SPRED2: variants seen among roughly 807,000 people sequenced by gnomAD.
SPRED2 encodes sprouty related EVH1 domain containing 2, also known as sprouty-related, EVH1 domain-containing protein 2.
In SPRED2, 47 loss-of-function variants were observed where a neutral mutation model predicts 43.0. That is an observed-to-expected ratio of 1.09 (90% CI 0.87 to 1.40). SPRED2 has a LOEUF of 1.40. SPRED2 is among the 40% of genes most tolerant of loss of function. The pLI, the probability that SPRED2 is intolerant of heterozygous loss-of-function variation, is 0.00. For missense variants in SPRED2, 561 were observed against 586.4 expected (o/e 0.96, Z 0.45); for synonymous variants, 225 against 225.7 (o/e 1.00, Z 0.03).
In SPRED2 at chr2:65,313,284, G is replaced by T; in HGVS notation, c.*217C>A. On this transcript the variant is annotated 3_prime_UTR_variant, in exon 6 of 6. Coordinates refer to ENST00000356388, the MANE Select transcript of SPRED2 (RefSeq NM_181784.3). ...CTCAGAACACTGTGCGAGCGTGTGT[G>T]TATGGATGTGGCTGCTGCAGTGTGG... 7.1e-7 allele frequency: 1 copy of T among 1,412,554 alleles called. No individual in the cohort carries two copies. The highest frequency in any genetic ancestry group is 1.4e-5 in the African/African-American group (1 of 69,530). 87.5% of individuals were successfully genotyped at this position (1,412,554 alleles called of 1,614,324 possible).
At chr2:65,345,571 T>C (rs1454934772) in intron 1 of SPRED2, among the ~76,000 whole-genome samples, 2 of 152,172 alleles carry the variant, frequency 1.3e-5, no homozygotes, top group African/African-American at 4.8e-5. Flanking sequence ...TACAAACCTA[T>C]TAAGACGGTA....
chr2:65,366,796 G>T, intron 1 of SPRED2: 1 of 1,309,740 alleles, frequency 7.6e-7, no homozygotes, highest in Non-Finnish European at 9.7e-7. Context: ...CCGAGGGTTA[G>T]TCCGCATTTT....
In SPRED2 at chr2:65,311,319, A is replaced by T. The variant is rs1673061817; in HGVS notation, c.*2182T>A. ...TGTGCCCTTAACCGATGCCTTCACAAACCAAAAAGTATACGTGGAGTAAGA... is the reference window on the plus strand; with the variant it reads ...TGTGCCCTTAACCGATGCCTTCACATACCAAAAAGTATACGTGGAGTAAGA... On this transcript the variant is annotated 3_prime_UTR_variant, in exon 6 of 6. Transcript: ENST00000356388. The T allele has an allele frequency of 1.0e-6, 1 of 985,742 alleles. No individual in the cohort carries two copies. Among genetic ancestry groups the T allele is most frequent in the Admixed American group, 6.1e-5 (1 of 16,268 alleles). 61.1% of individuals were successfully genotyped at this position (985,742 alleles called of 1,614,324 possible).
intron 1 of SPRED2, among the ~76,000 whole-genome samples, chr2:65,360,472 A>G (rs1273610346): frequency 6.6e-6 from 1 of 152,250 alleles, no homozygotes; most frequent in Non-Finnish European, 1.5e-5. Flanking sequence ...CATACATACA[A>G]TGGAATTATT....
At chr2:65,390,402 G>T (rs562506989) in intron 1 of SPRED2, among the ~76,000 whole-genome samples, 1 of 152,324 alleles carries the variant, frequency 6.6e-6, no homozygotes, top group East Asian at 1.9e-4. Context: ...TGTGGGACTG[G>T]AGTGAGCCTG....
downstream of SPRED2, chr2:65,308,350 C>T (rs1174185228): frequency 7.1e-6 from 7 of 985,358 alleles, no homozygotes; most frequent in African/African-American, 1.2e-4. Context: ...TCCCAGAAAC[C>T]CAGCCAGCTT....
intron 4 of SPRED2, among the ~76,000 whole-genome samples, chr2:65,323,617 C>T (rs534123738): frequency 1.3e-5 from 2 of 151,388 alleles, no homozygotes; most frequent in Admixed American, 1.3e-4. Context: ...TGACTCACGC[C>T]TGTAATCTCA....
At chr2:65,427,828 T>C (rs1375929327) in intron 1 of SPRED2, among the ~76,000 whole-genome samples, 1 of 152,192 alleles carries the variant, frequency 6.6e-6, no homozygotes, top group African/African-American at 2.4e-5. Flanking sequence ...TGGTTCATAG[T>C]GGTTAGTTAA....
In SPRED2 at chr2:65,311,769, A is replaced by C; in HGVS notation, c.*1732T>G. 1.0e-6 allele frequency: 1 copy of C among 985,464 alleles called. No homozygotes were observed. The allele number at this position is 985,464 out of a possible 1,614,324, so 61.0% of individuals were successfully genotyped here. A position where few individuals can be genotyped will look rare whatever the true frequency, so the allele number is the denominator to read the frequency against. On this transcript the variant is annotated 3_prime_UTR_variant, in exon 6 of 6. Coordinates refer to ENST00000356388, the MANE Select transcript of SPRED2 (RefSeq NM_181784.3). Reference sequence around the variant, plus strand: ...TGACTCATAAGCACACTGGGTATTTACACCGGTAATCTACTAAAGAAAATC... The same window carrying C: ...TGACTCATAAGCACACTGGGTATTTCCACCGGTAATCTACTAAAGAAAATC...
At chr2:65,420,647 G>A (rs1032252821) in intron 1 of SPRED2, among the ~76,000 whole-genome samples, 4 of 152,128 alleles carry the variant, frequency 2.6e-5, no homozygotes, top group Admixed American at 2.6e-4. Flanking sequence ...GAGAATTAGG[G>A]AGAACTCCAG....
chr2:65,367,820 G>A (rs1476191804), intron 1 of SPRED2, among the ~76,000 whole-genome samples: 2 of 152,170 alleles, frequency 1.3e-5, no homozygotes, highest in African/African-American at 2.4e-5. Flanking sequence ...TCCATGAGAG[G>A]TTATGTAAGT....
At chr2:65,386,076 G>C (rs899166456) in intron 1 of SPRED2, among the ~76,000 whole-genome samples, 1 of 152,094 alleles carries the variant, frequency 6.6e-6, no homozygotes, top group African/African-American at 2.4e-5. Flanking sequence ...CCTGAGGTCA[G>C]GAGTTTGAGA....
intron 1 of SPRED2, among the ~76,000 whole-genome samples, chr2:65,360,758 TG>T (rs1377700608): frequency 6.6e-6 from 1 of 152,196 alleles, no homozygotes; most frequent in African/African-American, 2.4e-5. Flanking sequence ...TATACAAACT[TG>T]GATATAGTTA....
chr2:65,375,775 T>A (rs1446081734), intron 1 of SPRED2, among the ~76,000 whole-genome samples: 2 of 152,198 alleles, frequency 1.3e-5, no homozygotes, highest in Non-Finnish European at 2.9e-5. Flanking sequence ...GGTTCTTTGT[T>A]TCAAGTCTCC....
intron 1 of SPRED2, among the ~76,000 whole-genome samples, chr2:65,345,319 A>G (rs952551337): frequency 1.5e-5 from 2 of 131,114 alleles, no homozygotes; most frequent in African/African-American, 2.8e-5. Flanking sequence ...GCTGGAGTGT[A>G]ATGGCGCGAT....
chr2:65,431,994 G>A lies in SPRED2; in HGVS notation c.-7C>T. On this transcript the variant is annotated 5_prime_UTR_variant, in exon 1 of 6. Transcript: ENST00000356388. The stretch of plus-strand genomic sequence containing the variant: ...GGTGTGTTTCTTCGGTCATTTTCTT[G>A]TTCACCTAGACGCCTGTCCCGCGGC... 5 of 1,613,904 alleles carry A rather than the reference G, an allele frequency of 3.1e-6. No individual in the cohort carries two copies. The South Asian group carries it at 5.5e-5, about 18-fold the overall frequency.
chr2:65,381,337 C>T (rs908372977), intron 1 of SPRED2, among the ~76,000 whole-genome samples: 2 of 152,182 alleles, frequency 1.3e-5, no homozygotes, highest in Non-Finnish European at 2.9e-5. Flanking sequence ...CTGGTCTAGG[C>T]AGTGCAGAAT....
Position 65,432,015 on chromosome 2 carries a change from G to A in SPRED2, c.-28C>T, listed in dbSNP as rs902473511. ...TCTTGTTCACCTAGACGCCTGTCCC[G>A]CGGCGGGCAGCTTTGCTCCCTTCAT... On this transcript the variant is annotated 5_prime_UTR_variant, in exon 1 of 6. Coordinates refer to ENST00000356388, the MANE Select transcript of SPRED2 (RefSeq NM_181784.3). 1 of 1,613,558 alleles carries A rather than the reference G, an allele frequency of 6.2e-7. No individual in the cohort carries two copies. The highest frequency in any genetic ancestry group is 2.2e-5 in the East Asian group (1 of 44,864).
intron 1 of SPRED2, among the ~76,000 whole-genome samples, chr2:65,361,045 T>G (rs1674799970): frequency 6.6e-6 from 1 of 152,202 alleles, no homozygotes; most frequent in Non-Finnish European, 1.5e-5. Context: ...TCTCTATTTT[T>G]ATTAAAAAAT....
Sources: allele counts gnomAD v4.1 joint callset (sites outside exome capture counted in the v4.1 genomes callset), GRCh38; gene constraint gnomAD v4.1.1; transcripts MANE v1.5; gene names NCBI Gene and HGNC (gene_info 2026-07-23, HGNC 2026-07-21).